The following XYLT1 variants were observed in gnomAD, a reference collection of about 807,000 sequenced individuals.
The protein encoded by XYLT1 is beta-D-xylosyltransferase 1.
XYLT1 carries 36 observed loss-of-function variants against 91.3 expected under a neutral mutation model. The ratio of observed to expected loss-of-function variants is 0.39; its 90% CI spans 0.30 to 0.52. XYLT1 has a LOEUF of 0.52. Ranked by LOEUF, XYLT1 falls within the 20% of genes least tolerant of loss-of-function variation. The pLI is 0.68. For missense variants in XYLT1, 1,242 were observed against 1,284.5 expected, an observed-to-expected ratio of 0.97 and a Z score of 0.51; for synonymous variants, 588 against 532.0, an observed-to-expected ratio of 1.11 and a Z score of -1.45.
chr16:17,157,051 G>A (rs1442696887), intron 6 of XYLT1, among the ~76,000 whole-genome samples: 5 of 151,816 alleles, frequency 3.3e-5, no homozygotes, highest in African/African-American at 9.7e-5. Context: ...AGGATCAAGC[G>A]ATTCTCCTGC....
At chr16:17,338,510 T>C (rs1386892467) in intron 2 of XYLT1, 2 of 456,262 alleles carry the variant, frequency 4.4e-6, no homozygotes, top group Non-Finnish European at 4.4e-6. Context: ...TTGTGCTCCA[T>C]GAATATTGTA....
intron 1 of XYLT1, among the ~76,000 whole-genome samples, chr16:17,358,389 G>A (rs557408223): frequency 5.3e-4 from 80 of 151,930 alleles, no homozygotes; most frequent in Non-Finnish European, 9.6e-4. Context: ...CTCCCACTTC[G>A]GCCACCCAAC....
intron 2 of XYLT1, among the ~76,000 whole-genome samples, chr16:17,273,517 C>T (rs922599327): frequency 6.6e-6 from 1 of 152,186 alleles, no homozygotes; most frequent in Non-Finnish European, 1.5e-5. Flanking sequence ...TGCACATTAA[C>T]AGCATCCCCA....
chr16:17,228,705 G>A (rs999315799), intron 3 of XYLT1, among the ~76,000 whole-genome samples: 1 of 152,132 alleles, frequency 6.6e-6, no homozygotes, highest in Non-Finnish European at 1.5e-5. Flanking sequence ...TTGCTCCTCC[G>A]GACCTGTGTG....
At chr16:17,440,363 T>C (rs1310758990) in intron 1 of XYLT1, among the ~76,000 whole-genome samples, 3 of 152,230 alleles carry the variant, frequency 2.0e-5, no homozygotes, top group Admixed American at 6.5e-5. Context: ...TGCTCACCCA[T>C]ACAGGCAAAC....
chr16:17,248,561 T>C (rs977189753), intron 3 of XYLT1, among the ~76,000 whole-genome samples: 6 of 152,086 alleles, frequency 3.9e-5, no homozygotes, highest in African/African-American at 1.4e-4. Context: ...GTTGGTCTTG[T>C]GAGTGTTTTA....
intron 1 of XYLT1, among the ~76,000 whole-genome samples, chr16:17,462,107 G>C (rs1172365918): frequency 6.6e-6 from 1 of 152,114 alleles, no homozygotes; most frequent in Non-Finnish European, 1.5e-5. Context: ...ATGGCAAAGC[G>C]TGCCCTGGGA....
intron 2 of XYLT1, among the ~76,000 whole-genome samples, chr16:17,277,612 A>G (rs1227029008): frequency 6.7e-6 from 1 of 150,288 alleles, no homozygotes; most frequent in African/African-American, 2.5e-5. Flanking sequence ...CTGTTCTCGA[A>G]CTCCTGACCT....
At chr16:17,436,457 C>A (rs899311524) in intron 1 of XYLT1, among the ~76,000 whole-genome samples, 1 of 152,172 alleles carries the variant, frequency 6.6e-6, no homozygotes, top group Admixed American at 6.5e-5. Flanking sequence ...GCACTACCAC[C>A]GTGGCTGGCA....
At chr16:17,404,093 G>A (rs2036000216) in intron 1 of XYLT1, among the ~76,000 whole-genome samples, 1 of 105,678 alleles carries the variant, frequency 9.5e-6, no homozygotes, top group African/African-American at 3.5e-5. Flanking sequence ...GTGTGTCTAT[G>A]TGTGGTTGGG....
At chr16:17,399,440 C>T (rs1216575100) in intron 1 of XYLT1, among the ~76,000 whole-genome samples, 2 of 152,098 alleles carry the variant, frequency 1.3e-5, no homozygotes, top group Admixed American at 6.5e-5. Context: ...AGCCCTGCTC[C>T]CTCCTCATTA....
rs1567288581 is a variant in XYLT1 at position 17,134,707 on chromosome 16, C to T, written c.1793G>A (p.Arg598His). Residue 598 changes from arginine (R) to histidine (H), a missense_variant, in exon 9 of 12, where the codon CGC becomes CAC. This residue lies in a region of XYLT1 where 511 missense variants were observed against 497.0 expected (regional missense o/e 1.03). Coordinates refer to ENST00000261381, the MANE Select transcript of XYLT1 (RefSeq NM_022166.4). ...CTGATTCACCACGGCTTCAAACTTG[C>T]GGGCAAAGAAGGTAGGCCGGGCTGT... The part of the protein sequence containing the change: ...QQTARPTFFA[R>H]KFEAVVNQEI... 4.3e-6 allele frequency: 7 copies of T among 1,614,016 alleles called. No homozygotes were observed. The highest frequency in any genetic ancestry group is 1.7e-5 in the Admixed American group (1 of 60,000).
chr16:17,111,276 T>C (rs924844600), intron 11 of XYLT1, among the ~76,000 whole-genome samples: 21 of 152,212 alleles, frequency 1.4e-4, no homozygotes, highest in Admixed American at 3.9e-4. Flanking sequence ...TCAGGAAGTA[T>C]AGCAATTTGG....
intron 2 of XYLT1, among the ~76,000 whole-genome samples, chr16:17,340,556 G>C (rs529132022): frequency 6.6e-6 from 1 of 152,214 alleles, no homozygotes; most frequent in South Asian, 2.1e-4. Context: ...TGCACAGAAT[G>C]GTAGTTAAGA....
rs137935662 is a variant in XYLT1 at position 17,134,659 on chromosome 16, T to C, written c.1841A>G (p.Tyr614Cys). 1.1e-4 allele frequency: 179 copies of C among 1,614,192 alleles called. No homozygotes were observed. In the African/African-American group the frequency reaches 2.0e-3, roughly 18 times the overall value. The change falls in exon 9 of 12, where the codon TAT (tyrosine) becomes TGT (cysteine). Residue 614 changes from tyrosine to cysteine, a missense_variant. Around this residue, in one of 3 missense-constraint regions of XYLT1, gnomAD observed 511 missense variants for 497.0 expected, o/e 1.03. Coordinates refer to ENST00000261381, the MANE Select transcript of XYLT1 (RefSeq NM_022166.4). The stretch of plus-strand genomic sequence containing the variant: ...TGCAGGGTAGTTCCCGTACAGGTAA[T>C]AGTCCAGCTGCCCAATGATTTCCTG... ...VNQEIIGQLDYYLYGNYPAGT... is the reference protein window; with the variant it reads ...VNQEIIGQLDCYLYGNYPAGT...
intron 2 of XYLT1, among the ~76,000 whole-genome samples, chr16:17,348,230 C>A (rs951754602): frequency 5.9e-5 from 9 of 152,122 alleles, no homozygotes; most frequent in Non-Finnish European, 1.3e-4. Context: ...GGAGGAGGCA[C>A]AAAGAGGGCG....
chr16:17,258,769 A>C (rs1389216265), intron 3 of XYLT1, among the ~76,000 whole-genome samples: 1 of 152,210 alleles, frequency 6.6e-6, no homozygotes, highest in African/African-American at 2.4e-5. Flanking sequence ...AATGGGTTAA[A>C]GCACCTACAA....
chr16:17,379,361 C>T (rs1275925247), intron 1 of XYLT1, among the ~76,000 whole-genome samples: 2 of 152,242 alleles, frequency 1.3e-5, no homozygotes, highest in African/African-American at 4.8e-5. Context: ...TCTCCAACAT[C>T]TGACAGGCGG....
intron 5 of XYLT1, among the ~76,000 whole-genome samples, chr16:17,182,188 C>T (rs1195953027): frequency 2.0e-5 from 3 of 152,150 alleles, no homozygotes; most frequent in African/African-American, 7.2e-5. Flanking sequence ...GGGATGAGGA[C>T]AGGTACCTTG....
Sources: allele counts gnomAD v4.1 joint callset (sites outside exome capture counted in the v4.1 genomes callset), GRCh38; gene constraint gnomAD v4.1.1; regional missense constraint gnomAD v4.1.1; transcripts MANE v1.5; gene names NCBI Gene and HGNC (gene_info 2026-07-23, HGNC 2026-07-21).